Variants in ZKSCAN4 observed in about 807,000 individuals in gnomAD.
ZKSCAN4 encodes zinc finger with KRAB and SCAN domains 4, also known as zinc finger protein with KRAB and SCAN domains 4.
In ZKSCAN4, 23 loss-of-function variants were observed where a neutral mutation model predicts 30.8. That is an observed-to-expected ratio of 0.75 (90% CI 0.54 to 1.06). The LOEUF is 1.06. Among genes scored for constraint, ZKSCAN4 ranks in the 50% least tolerant of loss-of-function variants. The pLI is 0.00. For synonymous variants in ZKSCAN4, 208 were observed against 252.5 expected (o/e 0.82, Z 1.67); for missense variants, 556 against 665.4 (o/e 0.84, Z 1.81).
Position 28,243,734 on chromosome 6 carries a change from G to A in ZKSCAN4, c.*1382C>T, listed in dbSNP as rs9393911. Among the ~76,000 whole-genome samples, 38 of 150,648 alleles carry A rather than the reference G, an allele frequency of 2.5e-4. No individual in the cohort carries two copies. The East Asian group carries it at 5.5e-3, about 22-fold the overall frequency. Reference sequence around the variant, plus strand: ...GGCTGGACTGCAGTGGCACCATCTCGGCTCACTGCAACCTCCACCTCCCAG... The same window carrying A: ...GGCTGGACTGCAGTGGCACCATCTCAGCTCACTGCAACCTCCACCTCCCAG... On this transcript the variant is annotated 3_prime_UTR_variant, in exon 5 of 5. Coordinates refer to ENST00000377294, the MANE Select transcript of ZKSCAN4 (RefSeq NM_019110.5).
Position 28,242,536 on chromosome 6 carries a change from A to C in ZKSCAN4, c.*2580T>G, listed in dbSNP as rs959049837. Among the ~76,000 whole-genome samples the C allele has an allele frequency of 6.6e-6, 1 of 152,110 alleles. No homozygotes were observed. Among genetic ancestry groups the C allele is most frequent in the Non-Finnish European group, 1.5e-5 (1 of 68,024 alleles). ...GTCCCTATCTCTTAAAATTTGCTTT[A>C]TTTACTCAATTGGACAAAGTTGTTG... is the stretch of plus-strand genomic sequence containing the variant. On this transcript the variant is annotated 3_prime_UTR_variant, in exon 5 of 5. Coordinates refer to ENST00000377294, the MANE Select transcript of ZKSCAN4 (RefSeq NM_019110.5).
chr6:28,248,807 C>T (rs1581583967), intron 2 of ZKSCAN4, among the ~76,000 whole-genome samples: 1 of 122,456 alleles, frequency 8.2e-6, no homozygotes, highest in African/African-American at 3.2e-5. Context: ...GCCTGGATAA[C>T]AGAGTGAGAC....
In ZKSCAN4 at chr6:28,251,992, G is replaced by A. The variant is rs1379343933; in HGVS notation, c.-12C>T. ...GGTTCTCTAGCCATTCTGACCCAAGGCAGTACTCGGGTCTCACTCTAGTTG... is the reference window on the plus strand; with the variant it reads ...GGTTCTCTAGCCATTCTGACCCAAGACAGTACTCGGGTCTCACTCTAGTTG... On this transcript the variant is annotated 5_prime_UTR_variant, in exon 1 of 5. Transcript: ENST00000377294. The surrounding 1 kb of genome is among the most constrained non-coding windows in gnomAD (Gnocchi z 4.5). The A allele has an allele frequency of 2.6e-6, 4 of 1,515,792 alleles. No homozygotes were observed. In the African/African-American group the frequency reaches 5.6e-5, roughly 21 times the overall value. 93.9% of individuals were successfully genotyped at this position (1,515,792 alleles called of 1,614,324 possible).
At position 28,247,081 on chromosome 6, in the gene ZKSCAN4, T is replaced by A. The variant is rs1224267003; in HGVS notation, c.666A>T (p.Lys222Asn). 6.2e-7 allele frequency: 1 copy of A among 1,609,058 alleles called. No individual in the cohort carries two copies. Residue 222 changes from lysine to asparagine, a missense_variant, in exon 4 of 5, where the codon AAA becomes AAT. This residue lies in a region of ZKSCAN4 where 433 missense variants were observed against 511.5 expected (regional missense o/e 0.85). Coordinates refer to ENST00000377294, the MANE Select transcript of ZKSCAN4 (RefSeq NM_019110.5). ...TGAGGGTCAGGGCCACATCTTCCAT[T>A]TTCAGCAAACCCTAAAACAATAGGT... ...RLTPGSQGLL[K>N]MEDVALTLTP...
At position 28,245,079 on chromosome 6, in the gene ZKSCAN4, G is replaced by T; in HGVS notation, c.*37C>A. 6.2e-7 allele frequency: 1 copy of T among 1,613,938 alleles called. No individual in the cohort carries two copies. Among genetic ancestry groups the T allele is most frequent in the South Asian group, 1.1e-5 (1 of 90,950 alleles). ...GGCTCCAGGGTGGCTTCAGTTCAGT[G>T]ACAAATGAGCACCAATGTTGGCATG... On this transcript the variant is annotated 3_prime_UTR_variant, in exon 5 of 5. Transcript: ENST00000377294.
chr6:28,249,560 C>G lies in ZKSCAN4; in HGVS notation c.571+127G>C, dbSNP rs912862699. The G allele has an allele frequency of 1.5e-5, 17 of 1,131,058 alleles. No homozygotes were observed. Among genetic ancestry groups the G allele is most frequent in the Non-Finnish European group, 2.0e-5 (17 of 829,364 alleles). The allele number at this position is 1,131,058 out of a possible 1,614,324, so 70.1% of individuals were successfully genotyped here. ...ACCATTGTTTGAAATTTCTCTTAGT[C>G]TCAGTCTTAAAATACAGCTCTCTGT... On this transcript the variant is annotated intron_variant, in intron 2 of 4. Transcript: ENST00000377294. The surrounding 1 kb of genome is among the most constrained non-coding windows in gnomAD (Gnocchi z 4.1).
At chr6:28,256,503 G>A (rs186071252), upstream of ZKSCAN4, among the ~76,000 whole-genome samples, 103 of 152,280 alleles carry the variant, frequency 6.8e-4, no homozygotes, top group Middle Eastern at 3.4e-3. Context: ...TTTAAGAAAG[G>A]TAGTAAAAGG....
At position 28,249,247 on chromosome 6, in the gene ZKSCAN4, T is replaced by A. The variant is rs1324126831; in HGVS notation, c.571+440A>T. ...ATCTCTGGAATGTTCTGGCTGGCTT[T>A]ACAAATTCTGCCTTATTTTCTTCAT... On this transcript the variant is annotated intron_variant, in intron 2 of 4. Coordinates refer to ENST00000377294, the MANE Select transcript of ZKSCAN4 (RefSeq NM_019110.5). The surrounding 1 kb of genome is among the most constrained non-coding windows in gnomAD (Gnocchi z 4.1). 6.6e-6 allele frequency among the ~76,000 whole-genome samples: 1 copy of A among 152,234 alleles called. No homozygotes were observed. Among genetic ancestry groups the A allele is most frequent in the Admixed American group, 6.5e-5 (1 of 15,286 alleles).
At chr6:28,248,682 A>C (rs548599984) in intron 2 of ZKSCAN4, among the ~76,000 whole-genome samples, 57 of 152,118 alleles carry the variant, frequency 3.7e-4, no homozygotes, top group Admixed American at 5.9e-4. Flanking sequence ...ACAAAAAATT[A>C]GCAGGTGTAG....
upstream of ZKSCAN4, among the ~76,000 whole-genome samples, chr6:28,254,530 T>C (rs1300389288): frequency 6.6e-6 from 1 of 152,128 alleles, no homozygotes; most frequent in East Asian, 1.9e-4. Context: ...ACTTCTGGAG[T>C]TGAATTCTGC....
chr6:28,246,015 G>A, intron 4 of ZKSCAN4, 40 bp from the exon 5 acceptor site: 2 of 1,613,876 alleles, frequency 1.2e-6, no homozygotes, highest in African/African-American at 2.7e-5. Flanking sequence ...GTTATGCCCT[G>A]CCATGGGAGG....
At chr6:28,256,936 T>C (rs1761197232), upstream of ZKSCAN4, among the ~76,000 whole-genome samples, 1 of 152,218 alleles carries the variant, frequency 6.6e-6, no homozygotes, top group African/African-American at 2.4e-5. Flanking sequence ...GAAATTCACT[T>C]CAGTGTCTAT....
intron 1 of ZKSCAN4, among the ~76,000 whole-genome samples, chr6:28,250,863 A>G (rs1156408952): frequency 6.6e-6 from 1 of 151,956 alleles, no homozygotes; most frequent in Non-Finnish European, 1.5e-5. Context: ...TATCCAGCTC[A>G]CCAGTTAGAA....
At chr6:28,246,833 G>T in intron 4 of ZKSCAN4, 136 bp downstream of exon 4, 3 of 1,051,860 alleles carry the variant, frequency 2.9e-6, no homozygotes, top group Non-Finnish European at 4.1e-6. Context: ...GGAGCTAGTA[G>T]TCAGTAACAG....
Position 28,251,344 on chromosome 6 carries a change from G to T in ZKSCAN4, c.423+214C>A. On this transcript the variant is annotated intron_variant, in intron 1 of 4. Coordinates refer to ENST00000377294, the MANE Select transcript of ZKSCAN4 (RefSeq NM_019110.5). This position sits in a 1 kb window ranked among gnomAD's most constrained non-coding sequence, Gnocchi z 4.5. ...TCTTTGCTAACTGTATGTCAATATAGTTGTGTTCTTTTGTAATCCTTTATA... is the reference window on the plus strand; with the variant it reads ...TCTTTGCTAACTGTATGTCAATATATTTGTGTTCTTTTGTAATCCTTTATA... The T allele has an allele frequency of 1.4e-6, 1 of 735,876 alleles. No individual in the cohort carries two copies. 45.6% of individuals were successfully genotyped at this position (735,876 alleles called of 1,614,324 possible).
At position 28,249,768 on chromosome 6, in the gene ZKSCAN4, C is replaced by G; in HGVS notation, c.490G>C (p.Gly164Arg). 6.2e-7 allele frequency: 1 copy of G among 1,614,094 alleles called. No homozygotes were observed. Among genetic ancestry groups the G allele is most frequent in the Non-Finnish European group, 8.5e-7 (1 of 1,180,010 alleles). The stretch of plus-strand genomic sequence containing the variant: ...GGCTGGCACTGGCTACTTTGAGACC[C>G]TTGAGTTTGTGTCAATAGTGCCATC... ...CKMALLTQTQ[G>R]SQSSQCQPMK... The change falls in exon 2 of 5, where the codon GGG becomes CGG. Residue 164 changes from glycine (G) to arginine (R), a missense_variant. By Grantham distance (125) the Gly-to-Arg change is moderately radical. This residue lies in a region of ZKSCAN4 where 433 missense variants were observed against 511.5 expected (regional missense o/e 0.85). Coordinates refer to ENST00000377294, the MANE Select transcript of ZKSCAN4 (RefSeq NM_019110.5). The surrounding 1 kb of genome is among the most constrained non-coding windows in gnomAD (Gnocchi z 4.1).
Position 28,243,731 on chromosome 6 carries a change from C to G in ZKSCAN4, c.*1385G>C, listed in dbSNP as rs1196405450. On this transcript the variant is annotated 3_prime_UTR_variant, in exon 5 of 5. Transcript: ENST00000377294. ...CCAGGCTGGACTGCAGTGGCACCAT[C>G]TCGGCTCACTGCAACCTCCACCTCC... is the stretch of plus-strand genomic sequence containing the variant. Among the ~76,000 whole-genome samples, 1 of 151,534 alleles carries G rather than the reference C, an allele frequency of 6.6e-6. No homozygotes were observed. Among genetic ancestry groups the G allele is most frequent in the Non-Finnish European group, 1.5e-5 (1 of 67,952 alleles).
upstream of ZKSCAN4, among the ~76,000 whole-genome samples, chr6:28,252,552 A>G (rs1761054136): frequency 6.6e-6 from 1 of 152,120 alleles, no homozygotes; most frequent in African/African-American, 2.4e-5. Flanking sequence ...ATTGAGCTGG[A>G]AAGCAGGGGT....
upstream of ZKSCAN4, among the ~76,000 whole-genome samples, chr6:28,255,444 A>G (rs1293238698): frequency 6.6e-6 from 1 of 152,186 alleles, no homozygotes; most frequent in African/African-American, 2.4e-5. Context: ...TGACCCTGAA[A>G]TAGAGTGGGA....
Sources: allele counts gnomAD v4.1 joint callset (sites outside exome capture counted in the v4.1 genomes callset), GRCh38; gene constraint gnomAD v4.1.1; regional missense constraint gnomAD v4.1.1; non-coding constraint Gnocchi (gnomAD v3.1); transcripts MANE v1.5; gene names NCBI Gene and HGNC (gene_info 2026-07-23, HGNC 2026-07-21).